JPH3: variants seen among roughly 807,000 people sequenced by gnomAD.
JPH3 encodes junctophilin 3, also known as junctophilin-3.
Under a neutral mutation model 59.6 loss-of-function variants are expected in JPH3, and 11 were observed. The observed-to-expected ratio is 0.18, with a 90% confidence interval of 0.12 to 0.31. The LOEUF (loss-of-function observed/expected upper bound fraction) is 0.31. JPH3 is among the 10% of genes least tolerant of loss of function. JPH3 has a pLI of 1.00. For synonymous variants in JPH3, 673 were observed against 483.6 expected (o/e 1.39, Z -5.14); for missense variants, 1,202 against 1,105.7 (o/e 1.09, Z -1.24).
At chr16:87,669,553 G>T (rs1457928545) in intron 2 of JPH3, among the ~76,000 whole-genome samples, 1 of 152,178 alleles carries the variant, frequency 6.6e-6, no homozygotes, top group Non-Finnish European at 1.5e-5. Context: ...CGGTGCTCAC[G>T]ACAGAAAGCA....
At chr16:87,640,197 T>C (rs78723440) in intron 1 of JPH3, among the ~76,000 whole-genome samples, 29,489 of 151,464 alleles carry the variant, frequency 0.19, 3,363 homozygotes, top group East Asian at 0.38. Flanking sequence ...GGTGTGGTGG[T>C]GCATGCCTGT....
intron 4 of JPH3, among the ~76,000 whole-genome samples, chr16:87,693,105 T>TGCCACGGA (rs1242252865): frequency 2.0e-5 from 3 of 152,244 alleles, no homozygotes; most frequent in Non-Finnish European, 2.9e-5. Context: ...GAGGCCACGA[T>TGCCACGGA]GCCACGGAAA....
chr16:87,676,667 G>T (rs540788817), intron 2 of JPH3, among the ~76,000 whole-genome samples: 1 of 151,728 alleles, frequency 6.6e-6, no homozygotes, highest in African/African-American at 2.4e-5. Context: ...CTGGGAGGCG[G>T]AGCTCGCAGT....
chr16:87,664,139 G>A (rs2032787962), intron 2 of JPH3, among the ~76,000 whole-genome samples: 1 of 151,584 alleles, frequency 6.6e-6, no homozygotes, highest in African/African-American at 2.4e-5. Flanking sequence ...ATAGCATCCT[G>A]GCTAACACGG....
intron 2 of JPH3, among the ~76,000 whole-genome samples, chr16:87,664,760 G>C (rs2032810496): frequency 6.6e-6 from 1 of 152,130 alleles, no homozygotes; most frequent in Non-Finnish European, 1.5e-5. Context: ...TGGGGGTGTG[G>C]GTGTATGACC....
intron 2 of JPH3, among the ~76,000 whole-genome samples, chr16:87,669,059 G>T (rs1164811778): frequency 6.6e-6 from 1 of 152,168 alleles, no homozygotes; most frequent in Non-Finnish European, 1.5e-5. Context: ...GGAAATCGCC[G>T]CTGCATCTCC....
At chr16:87,676,480 A>G (rs7205361) in intron 2 of JPH3, among the ~76,000 whole-genome samples, 7,019 of 152,250 alleles carry the variant, frequency 0.046, 376 homozygotes, top group African/African-American at 0.13. Flanking sequence ...TCACACCTGT[A>G]ATCTCAGCAC....
intron 2 of JPH3, among the ~76,000 whole-genome samples, chr16:87,682,785 G>T (rs535223798): frequency 6.6e-6 from 1 of 152,232 alleles, no homozygotes; most frequent in Non-Finnish European, 1.5e-5. Flanking sequence ...ATTGGTCATT[G>T]TGCCTCAGTT....
At position 87,690,447 on chromosome 16, in the gene JPH3, CCTT is replaced by C. The variant is rs1360218605; in HGVS notation, c.2090_2092del (p.Phe697del). On this transcript the variant is annotated inframe_deletion, in exon 4 of 5. Coordinates refer to ENST00000284262, the MANE Select transcript of JPH3 (RefSeq NM_020655.4). Reference sequence around the variant, plus strand: ...CCCCGGTTGCTGCGTTGGGACTTGACCTTCTCCCCGCCCCAGAAATCCTTGCCT... The same window carrying C: ...CCCCGGTTGCTGCGTTGGGACTTGACCTCCCCGCCCCAGAAATCCTTGCCT... 2 of 1,488,000 alleles carry C rather than the reference CCTT, an allele frequency of 1.3e-6. No homozygotes were observed. The highest frequency in any genetic ancestry group is 1.8e-6 in the Non-Finnish European group (2 of 1,121,114). The allele number at this position is 1,488,000 out of a possible 1,614,324, so 92.2% of individuals were successfully genotyped here. A position where few individuals can be genotyped will look rare whatever the true frequency, so the allele number is the denominator to read the frequency against.
chr16:87,620,116 G>A (rs959228591), intron 1 of JPH3, among the ~76,000 whole-genome samples: 5 of 152,162 alleles, frequency 3.3e-5, no homozygotes, highest in African/African-American at 1.2e-4. Flanking sequence ...AGTACTGCGT[G>A]GGAGGGAGAA....
intron 4 of JPH3, among the ~76,000 whole-genome samples, chr16:87,690,765 A>G (rs1157227850): frequency 6.6e-6 from 1 of 151,974 alleles, no homozygotes; most frequent in Admixed American, 6.5e-5. Context: ...GGTTGTCCAG[A>G]AAGCACACGA....
Position 87,603,235 on chromosome 16 carries a change from G to T in JPH3, c.89G>T (p.Cys30Phe), listed in dbSNP as rs1403519540. Residue 30 changes from cysteine to phenylalanine, a missense_variant, in exon 1 of 5, where the codon TGC becomes TTC. Cys to Phe is a radical substitution (Grantham distance 205). Transcript: ENST00000284262. ...EDGKAHGHGV[C>F]TGPKGQGEYT... ...GGCAAGGCGCACGGCCATGGCGTCT[G>T]CACCGGCCCCAAGGGCCAAGGCGAA... The T allele has an allele frequency of 6.2e-7, 1 of 1,613,756 alleles. No homozygotes were observed. Among genetic ancestry groups the T allele is most frequent in the Non-Finnish European group, 8.5e-7 (1 of 1,179,940 alleles).
intron 2 of JPH3, among the ~76,000 whole-genome samples, chr16:87,674,591 A>T (rs1170624408): frequency 6.6e-6 from 1 of 152,234 alleles, no homozygotes; most frequent in Non-Finnish European, 1.5e-5. Flanking sequence ...TAAGGTGTGT[A>T]TGTCGATCAC....
intron 1 of JPH3, among the ~76,000 whole-genome samples, chr16:87,636,365 TAATC>T (rs1019401934): frequency 2.7e-4 from 41 of 152,366 alleles, no homozygotes; most frequent in Admixed American, 2.3e-3. Context: ...TTTGTTTACT[TAATC>T]AAGCATAAAT....
At chr16:87,603,557 G>A in intron 1 of JPH3, 29 bp downstream of exon 1, 2 of 1,539,184 alleles carry the variant, frequency 1.3e-6, no homozygotes, top group Admixed American at 4.0e-5. Context: ...GCCGGGCCGG[G>A]GCGGGAGGGA....
chr16:87,676,072 A>G, intron 2 of JPH3, among the ~76,000 whole-genome samples: 1 of 152,262 alleles, frequency 6.6e-6, no homozygotes, highest in East Asian at 1.9e-4. Context: ...TTAGATCACG[A>G]TGGTGGTGAC....
intron 2 of JPH3, among the ~76,000 whole-genome samples, chr16:87,681,585 G>A (rs1326238666): frequency 7.0e-6 from 1 of 143,522 alleles, no homozygotes; most frequent in Non-Finnish European, 1.5e-5. Flanking sequence ...GTTCCGGGAG[G>A]TCAGGTGCGC....
At chr16:87,662,235 C>T (rs2032727625) in intron 2 of JPH3, among the ~76,000 whole-genome samples, 1 of 152,160 alleles carries the variant, frequency 6.6e-6, no homozygotes, top group South Asian at 2.1e-4. Flanking sequence ...ATATCCTACG[C>T]TGCCGAGATA....
At chr16:87,630,632 C>T (rs533836085) in intron 1 of JPH3, among the ~76,000 whole-genome samples, 4 of 152,314 alleles carry the variant, frequency 2.6e-5, no homozygotes, top group South Asian at 4.1e-4. Flanking sequence ...AATTTTTAAT[C>T]CTTATTGAGC....
Sources: gnomAD v4.1 joint callset for allele counts (sites outside exome capture counted in the v4.1 genomes callset) on GRCh38, gnomAD v4.1.1 for gene constraint, MANE v1.5 for transcripts, NCBI Gene and HGNC (gene_info 2026-07-23, HGNC 2026-07-21) for gene names.